The following IGSF11 variants were observed in gnomAD, a reference collection of about 807,000 sequenced individuals.
The protein encoded by IGSF11 is immunoglobulin superfamily member 11.
IGSF11 carries 22 observed loss-of-function variants against 41.0 expected under a neutral mutation model. The ratio of observed to expected loss-of-function variants is 0.54; its 90% CI spans 0.38 to 0.77. The LOEUF (loss-of-function observed/expected upper bound fraction) is 0.77. Ranked by LOEUF, IGSF11 falls within the 30% of genes least tolerant of loss-of-function variation. The pLI, the probability that IGSF11 is intolerant of heterozygous loss-of-function variation, is 0.00. For missense variants in IGSF11, 444 were observed against 530.8 expected (o/e 0.84, Z 1.61); for synonymous variants, 219 against 201.3 (o/e 1.09, Z -0.74).
At chr3:118,917,433 C>A (rs1420472729) in intron 4 of IGSF11, among the ~76,000 whole-genome samples, 3 of 147,590 alleles carry the variant, frequency 2.0e-5, no homozygotes, top group Non-Finnish European at 4.4e-5. Flanking sequence ...GTATCACCAC[C>A]GATCCCACAG....
At chr3:118,953,575 A>AT (rs1422812152) in intron 1 of IGSF11, among the ~76,000 whole-genome samples, 5 of 151,558 alleles carry the variant, frequency 3.3e-5, no homozygotes, top group East Asian at 1.9e-4. Context: ...TTATTTTTTG[A>AT]TTTTTTTTAT....
chr3:118,916,311 C>T (rs927384755), intron 4 of IGSF11, among the ~76,000 whole-genome samples: 3 of 152,018 alleles, frequency 2.0e-5, no homozygotes, highest in Admixed American at 6.5e-5. Context: ...CACAGACTGG[C>T]GAGTTGGATA....
intron 1 of IGSF11, among the ~76,000 whole-genome samples, chr3:119,136,665 CAT>C (rs1471506958): frequency 6.6e-6 from 1 of 152,100 alleles, no homozygotes; most frequent in Non-Finnish European, 1.5e-5. Context: ...TGGGAGCACT[CAT>C]ATGTTATTAG....
At chr3:118,998,815 G>T (rs540217925) in intron 1 of IGSF11, among the ~76,000 whole-genome samples, 2 of 152,020 alleles carry the variant, frequency 1.3e-5, no homozygotes, top group East Asian at 3.9e-4. Context: ...GTTGACAAAT[G>T]GTATCTATTT....
At chr3:119,032,110 TA>T (rs1288762230) in intron 1 of IGSF11, among the ~76,000 whole-genome samples, 4 of 152,224 alleles carry the variant, frequency 2.6e-5, no homozygotes, top group African/African-American at 7.2e-5. Context: ...AACAGAAATT[TA>T]TTAACATCGA....
At chr3:119,021,051 T>A (rs1939235920) in intron 1 of IGSF11, among the ~76,000 whole-genome samples, 1 of 152,136 alleles carries the variant, frequency 6.6e-6, no homozygotes, top group African/African-American at 2.4e-5. Context: ...CGAGACACTC[T>A]CCCTAGGGAA....
chr3:118,913,955 G>T (rs1940689270), intron 4 of IGSF11, among the ~76,000 whole-genome samples: 1 of 152,150 alleles, frequency 6.6e-6, no homozygotes, highest in Non-Finnish European at 1.5e-5. Flanking sequence ...TGGCTAATAG[G>T]AGAGAAGAGA....
chr3:119,047,743 G>A (rs1017649433), intron 1 of IGSF11, among the ~76,000 whole-genome samples: 2 of 151,920 alleles, frequency 1.3e-5, no homozygotes, highest in African/African-American at 4.8e-5. Context: ...CCACACACTT[G>A]GAAGTAAAGC....
At chr3:119,048,363 C>A (rs1337666451) in intron 1 of IGSF11, among the ~76,000 whole-genome samples, 2 of 151,994 alleles carry the variant, frequency 1.3e-5, no homozygotes, top group African/African-American at 4.8e-5. Flanking sequence ...GAGAATACTA[C>A]AAACACCTCT....
chr3:119,073,733 C>A (rs116889730), intron 1 of IGSF11, among the ~76,000 whole-genome samples: 1 of 152,182 alleles, frequency 6.6e-6, no homozygotes, highest in African/African-American at 2.4e-5. Flanking sequence ...CCGGAACTCG[C>A]GCTGGCCTGT....
intron 1 of IGSF11, among the ~76,000 whole-genome samples, chr3:118,960,044 C>CA (rs199913346): frequency 0.047 from 3,814 of 80,776 alleles, 80 homozygotes; most frequent in East Asian, 0.11. Context: ...GACTCCGTCT[C>CA]AAAAAAAAAA....
chr3:119,105,008 A>G, intron 1 of IGSF11: 1 of 563,460 alleles, frequency 1.8e-6, no homozygotes, highest in Non-Finnish European at 3.2e-6. Context: ...CCCAGGACTT[A>G]GAAATGGAAG....
intron 1 of IGSF11, among the ~76,000 whole-genome samples, chr3:119,112,094 G>A (rs980812689): frequency 1.8e-4 from 28 of 152,298 alleles, no homozygotes; most frequent in South Asian, 4.1e-4. Context: ...CTCAAGCTGC[G>A]TACTGGGAGA....
chr3:119,109,424 T>A (rs2077101174), upstream of IGSF11, among the ~76,000 whole-genome samples: 1 of 152,244 alleles, frequency 6.6e-6, no homozygotes, highest in African/African-American at 2.4e-5. Context: ...TTCTGAGGGA[T>A]CGGTGGTGAT....
At chr3:119,073,020 T>C (rs924028061) in intron 1 of IGSF11, among the ~76,000 whole-genome samples, 1 of 152,166 alleles carries the variant, frequency 6.6e-6, no homozygotes, top group East Asian at 1.9e-4. Flanking sequence ...AGAGCACTGA[T>C]TGGTGCATTT....
chr3:118,967,975 GAA>G (rs1380566444), intron 1 of IGSF11, among the ~76,000 whole-genome samples: 2 of 152,056 alleles, frequency 1.3e-5, no homozygotes, highest in East Asian at 1.9e-4. Flanking sequence ...ACTCCAGTAG[GAA>G]AGAGAGAGAG....
intron 1 of IGSF11, among the ~76,000 whole-genome samples, chr3:119,030,535 C>A (rs1200215924): frequency 1.3e-5 from 2 of 152,040 alleles, no homozygotes; most frequent in African/African-American, 2.4e-5. Context: ...AAATTAATTA[C>A]CCAAATGTTA....
chr3:119,055,230 A>C (rs1282170390), intron 1 of IGSF11, among the ~76,000 whole-genome samples: 1 of 152,176 alleles, frequency 6.6e-6, no homozygotes, highest in African/African-American at 2.4e-5. Context: ...ATGGGGAAAA[A>C]ACAGAACAGA....
intron 1 of IGSF11, among the ~76,000 whole-genome samples, chr3:119,006,715 ACCCTG>A (rs1937521017): frequency 6.7e-6 from 1 of 148,656 alleles, no homozygotes; most frequent in South Asian, 2.2e-4. Context: ...CTGTTGGAAT[ACCCTG>A]CAGTGTGAGG....
Sources: gnomAD v4.1 joint callset for allele counts (sites outside exome capture counted in the v4.1 genomes callset) on GRCh38, gnomAD v4.1.1 for gene constraint, MANE v1.5 for transcripts, NCBI Gene and HGNC (gene_info 2026-07-23, HGNC 2026-07-21) for gene names.